The following EARS2 variants were observed in gnomAD, a reference collection of about 807,000 sequenced individuals.
The protein encoded by EARS2 is nondiscriminating glutamyl-tRNA synthetase EARS2, mitochondrial.
EARS2 carries 50 observed loss-of-function variants against 54.1 expected under a neutral mutation model. The observed-to-expected ratio is 0.92, with a 90% CI of 0.74 to 1.17. The LOEUF is 1.17. EARS2 is among the 50% of genes most tolerant of loss of function. EARS2 has a pLI of 0.00. For synonymous variants in EARS2, 298 were observed against 281.0 expected (o/e 1.06, Z -0.61); for missense variants, 673 against 675.0 (o/e 1.00, Z 0.03).
chr16:23,553,429 A>G (rs896864720), intron 1 of EARS2, among the ~76,000 whole-genome samples: 1 of 152,190 alleles, frequency 6.6e-6, no homozygotes, highest in Non-Finnish European at 1.5e-5. Flanking sequence ...AAAAAAATTA[A>G]TTACAAACAA....
chr16:23,534,116 A>G (rs1477092322), intron 4 of EARS2, among the ~76,000 whole-genome samples: 1 of 151,886 alleles, frequency 6.6e-6, no homozygotes, highest in Non-Finnish European at 1.5e-5. Flanking sequence ...GCAGCAGCTC[A>G]GTCCCATACG....
intron 3 of EARS2, among the ~76,000 whole-genome samples, chr16:23,544,290 T>G (rs1965564346): frequency 6.6e-6 from 1 of 152,196 alleles, no homozygotes; most frequent in Non-Finnish European, 1.5e-5. Flanking sequence ...GAAGTAGATC[T>G]TCCCCAAGCT....
At chr16:23,532,857 G>T in intron 4 of EARS2, 92 bp from the exon 5 acceptor site, 1 of 884,486 alleles carries the variant, frequency 1.1e-6, no homozygotes, top group Non-Finnish European at 1.8e-6. Flanking sequence ...ATCTTGCTCT[G>T]CTGCCCAGGT....
At chr16:23,528,374 G>A (rs1021451622) in intron 7 of EARS2, among the ~76,000 whole-genome samples, 1 of 152,224 alleles carries the variant, frequency 6.6e-6, no homozygotes, top group African/African-American at 2.4e-5. Context: ...CCGAGGAGCT[G>A]ATGAAACAAT....
At chr16:23,542,316 CTTTTTTT>C (rs745418385) in intron 3 of EARS2, among the ~76,000 whole-genome samples, 5 of 93,710 alleles carry the variant, frequency 5.3e-5, no homozygotes, top group African/African-American at 2.0e-4. Flanking sequence ...TTTCATTTTT[CTTTTTTT>C]TTTTTTTTTT....
In EARS2 at chr16:23,521,091, T is replaced by G. The variant is rs1301529205; in HGVS notation, c.*3280A>C. ...CTAGGTGTGAGCCACCAGGCCCAGC[T>G]CTAATTTAGTATTTTTTAAAAACTG... On this transcript the variant is annotated 3_prime_UTR_variant, in exon 9 of 9. Transcript: ENST00000449606. Among the ~76,000 whole-genome samples, 2 of 152,136 alleles carry G rather than the reference T, an allele frequency of 1.3e-5. No homozygotes were observed. Among genetic ancestry groups the G allele is most frequent in the Non-Finnish European group, 2.9e-5 (2 of 68,032 alleles).
In EARS2 at chr16:23,557,238, C is replaced by G. The variant is rs1218730130; in HGVS notation, c.106G>C (p.Ala36Pro). 1 of 1,519,998 alleles carries G rather than the reference C, an allele frequency of 6.6e-7. No individual in the cohort carries two copies. Among genetic ancestry groups the G allele is most frequent in the African/African-American group, 1.4e-5 (1 of 72,174 alleles). 94.2% of individuals were successfully genotyped at this position (1,519,998 alleles called of 1,614,324 possible). ...CTGGGAGCGAACCGCACTCGCACCG[C>G]AACCCCGGCATCAGTGCCCAGGTTG... ...EANLGTDAGV[A>P]VRVRFAPSPT... The change falls in exon 1 of 9, where the codon GCG becomes CCG. Residue 36 changes from alanine to proline, a missense_variant. Ala to Pro is a conservative substitution (Grantham distance 27, BLOSUM62 -1). Transcript: ENST00000449606.
Position 23,535,242 on chromosome 16 carries a change from C to A in EARS2, c.604G>T (p.Val202Phe). 6.2e-7 allele frequency: 1 copy of A among 1,612,574 alleles called. No individual in the cohort carries two copies. The highest frequency in any genetic ancestry group is 8.5e-7 in the Non-Finnish European group (1 of 1,180,016). The change falls in exon 4 of 9, where the codon GTC becomes TTC. Residue 202 changes from valine to phenylalanine, a missense_variant. By Grantham distance (50) the Val-to-Phe change is conservative (BLOSUM62 -1). Transcript: ENST00000449606. The part of the protein sequence containing the change: ...EQVVPAFQDL[V>F]YGWNRHEVAS... The stretch of plus-strand genomic sequence containing the variant: ...ACTTCATGCCTATTCCAGCCATAGA[C>A]CAGGTCCTGGAAGGCTGGCACCACC...
chr16:23,552,899 T>C (rs1965719201), intron 1 of EARS2: 1 of 191,638 alleles, frequency 5.2e-6, no homozygotes, highest in Non-Finnish European at 1.1e-5. Context: ...GTGCTGGGAT[T>C]ACAAGCGTGA....
Position 23,544,672 on chromosome 16 carries a change from G to A in EARS2, c.327C>T (p.Gly109=), listed in dbSNP as rs745676254. Residue 109 remains glycine (G), a synonymous_variant, in exon 3 of 9, where the codon GGC becomes GGT. Coordinates refer to ENST00000449606, the MANE Select transcript of EARS2 (RefSeq NM_001083614.2). ...GIPPDESPRR[G]GPAGPYQQSQ... The stretch of plus-strand genomic sequence containing the variant: ...ATTGCTGGTAGGGCCCAGCAGGACC[G>A]CCCCGGCGGGGGCTCTCATCAGGCG... 34 of 1,607,180 alleles carry A rather than the reference G, an allele frequency of 2.1e-5. No homozygotes were observed. Among genetic ancestry groups the A allele is most frequent in the East Asian group, 4.5e-5 (2 of 44,746 alleles).
chr16:23,550,432 G>C (rs1243044996), intron 2 of EARS2, among the ~76,000 whole-genome samples: 1 of 130,300 alleles, frequency 7.7e-6, no homozygotes, highest in Non-Finnish European at 1.6e-5. Flanking sequence ...CTAAGCACAT[G>C]GTCTTTTTTT....
chr16:23,544,610 G>A lies in EARS2; in HGVS notation c.389C>T (p.Ala130Val), dbSNP rs887357230. Residue 130 changes from alanine to valine, a missense_variant, in exon 3 of 9, where the codon GCG (alanine) becomes GTG (valine). Ala to Val is a moderately conservative substitution (Grantham distance 64). Transcript: ENST00000449606. ...GTAAGCAGCTCCGGTCTTCAGCAGC[G>A]CTTCTGTGGCCTGGGCATACAGCTC... Reference protein sequence around the residue: ...RLELYAQATEALLKTGAAYPC... With the variant: ...RLELYAQATEVLLKTGAAYPC... 29 of 1,613,454 alleles carry A rather than the reference G, an allele frequency of 1.8e-5. No individual in the cohort carries two copies. The highest frequency in any genetic ancestry group is 1.7e-4 in the Middle Eastern group (1 of 5,996).
intron 5 of EARS2, among the ~76,000 whole-genome samples, chr16:23,532,220 A>G (rs1965339082): frequency 6.6e-6 from 1 of 152,226 alleles, no homozygotes; most frequent in Non-Finnish European, 1.5e-5. Flanking sequence ...CATGAAATAT[A>G]AAGTAGATGC....
intron 2 of EARS2, among the ~76,000 whole-genome samples, chr16:23,550,460 CAG>C (rs1176886030): frequency 7.5e-5 from 7 of 93,448 alleles, no homozygotes; most frequent in African/African-American, 1.7e-4. Context: ...TTTTTTGAGA[CAG>C]AGTCTCACTC....
chr16:23,533,503 T>C (rs1350493265), intron 4 of EARS2, among the ~76,000 whole-genome samples: 3 of 152,136 alleles, frequency 2.0e-5, no homozygotes, highest in Admixed American at 2.0e-4. Context: ...CCATTCCACT[T>C]TGCCCAAAGG....
chr16:23,544,778 C>A (rs1965575814), intron 2 of EARS2, 75 bp from the exon 3 acceptor site: 3 of 1,300,008 alleles, frequency 2.3e-6, no homozygotes, highest in Non-Finnish European at 3.1e-6. Context: ...GCACTTTATG[C>A]ACATATTAAA....
In EARS2 at chr16:23,540,525, G is replaced by A. The variant is rs573077393; in HGVS notation, c.485+3989C>T. 1.1e-4 allele frequency among the ~76,000 whole-genome samples: 16 copies of A among 152,340 alleles called. No homozygotes were observed. In the South Asian group the frequency reaches 2.1e-3, roughly 20 times the overall value. On this transcript the variant is annotated intron_variant, in intron 3 of 8. Transcript: ENST00000449606. ...GCAGTATCCATCAAAGCTACAACTC[G>A]ACTCTGCAATTCCACCTCTAGGAAG...
At chr16:23,533,654 A>G (rs976903073) in intron 4 of EARS2, among the ~76,000 whole-genome samples, 1 of 152,262 alleles carries the variant, frequency 6.6e-6, no homozygotes, top group East Asian at 1.9e-4. Flanking sequence ...GAGCTGCAGA[A>G]CAGTACGCCC....
At chr16:23,557,351 G>A (rs552588485), upstream of EARS2, 25 of 1,541,508 alleles carry the variant, frequency 1.6e-5, no homozygotes, top group East Asian at 4.6e-4. Flanking sequence ...CATGTGGGAT[G>A]GAATAGCACA....
Sources: allele counts gnomAD v4.1 joint callset (sites outside exome capture counted in the v4.1 genomes callset), GRCh38; gene constraint gnomAD v4.1.1; transcripts MANE v1.5; gene names NCBI Gene and HGNC (gene_info 2026-07-23, HGNC 2026-07-21).